TFDP1: variants seen among roughly 807,000 people sequenced by gnomAD.
TFDP1 encodes transcription factor Dp-1, also known as DRTF1-polypeptide 1.
In TFDP1, 6 loss-of-function variants were observed where a neutral mutation model predicts 48.0. The ratio of observed to expected loss-of-function variants is 0.13; its 90% CI spans 0.07 to 0.25. The LOEUF is 0.25. Among genes scored for constraint, TFDP1 ranks in the 10% least tolerant of loss-of-function variants. The pLI, the probability that TFDP1 is intolerant of heterozygous loss-of-function variation, is 1.00. For synonymous variants in TFDP1, 201 were observed against 211.6 expected, an observed-to-expected ratio of 0.95 and a Z score of 0.44; for missense variants, 335 against 543.0, an observed-to-expected ratio of 0.62 and a Z score of 3.81.
chr13:113,611,464 G>A (rs899644499), intron 3 of TFDP1, among the ~76,000 whole-genome samples: 2 of 152,236 alleles, frequency 1.3e-5, no homozygotes, highest in South Asian at 2.1e-4. Context: ...TGCCTTCTGC[G>A]AAGCAGGCAC....
At position 113,596,031 on chromosome 13, in the gene TFDP1, A is replaced by G. The variant is rs189851768; in HGVS notation, c.12+10182A>G. On this transcript the variant is annotated intron_variant, in intron 2 of 11. Transcript: ENST00000375370. Reference sequence around the variant, plus strand: ...CAGGAGGCGGAGCTTGCAGTGAGCCAAGATGGCGCCGCTGCACTCCCGCCT... The same window carrying G: ...CAGGAGGCGGAGCTTGCAGTGAGCCGAGATGGCGCCGCTGCACTCCCGCCT... Among the ~76,000 whole-genome samples the G allele has an allele frequency of 3.0e-3, 454 of 152,328 alleles. 1 individual carries two copies. The highest frequency in any genetic ancestry group is 0.01 in the African/African-American group (430 of 41,592).
chr13:113,615,617 G>A (rs767321614), intron 3 of TFDP1, among the ~76,000 whole-genome samples: 29 of 152,178 alleles, frequency 1.9e-4, no homozygotes, highest in Non-Finnish European at 4.1e-4. Flanking sequence ...TGTTCCACAC[G>A]TTTAGGCCAG....
chr13:113,621,635 C>T (rs912220410), intron 3 of TFDP1, among the ~76,000 whole-genome samples: 3 of 152,214 alleles, frequency 2.0e-5, no homozygotes, highest in Admixed American at 6.5e-5. Context: ...AAGACGAGTG[C>T]GAGCCTTCTG....
rs1479033643 is a variant in TFDP1 at position 113,584,782 on chromosome 13, G to GCCGGGACCGCCCGGC, written c.-166_-152dup. ...GGCCCAGGGCAGGGACCCCGCCACGGCCGGGACCGCCCGGCCCGGCCCCAG... is the reference window on the plus strand; with the variant it reads ...GGCCCAGGGCAGGGACCCCGCCACGGCCGGGACCGCCCGGCCCGGGACCGCCCGGCCCGGCCCCAG... On this transcript the variant is annotated 5_prime_UTR_variant, in exon 1 of 12. Coordinates refer to ENST00000375370, the MANE Select transcript of TFDP1 (RefSeq NM_007111.5). The GCCGGGACCGCCCGGC allele has an allele frequency of 1.4e-5, 2 of 146,234 alleles. No homozygotes were observed. Among genetic ancestry groups the GCCGGGACCGCCCGGC allele is most frequent in the African/African-American group, 4.9e-5 (2 of 40,754 alleles). 9.1% of individuals were successfully genotyped at this position (146,234 alleles called of 1,614,324 possible). A position where few individuals can be genotyped will look rare whatever the true frequency, so the allele number is the denominator to read the frequency against.
At position 113,623,419 on chromosome 13, in the gene TFDP1, A is replaced by G. The variant is rs947051707; in HGVS notation, c.186+133A>G. 12 of 813,474 alleles carry G rather than the reference A, an allele frequency of 1.5e-5. No individual in the cohort carries two copies. Among genetic ancestry groups the G allele is most frequent in the Middle Eastern group, 2.3e-4 (1 of 4,316 alleles). 50.4% of individuals were successfully genotyped at this position (813,474 alleles called of 1,614,324 possible). On this transcript the variant is annotated intron_variant, in intron 4 of 11. Transcript: ENST00000375370. The surrounding 1 kb of genome is among the most constrained non-coding windows in gnomAD (Gnocchi z 5.2). ...TGCAGCATGGGGCCTTTCCCTCATC[A>G]GGGAGCCCGTGGCCAGTGCTAGATT... is the stretch of plus-strand genomic sequence containing the variant.
intron 5 of TFDP1, among the ~76,000 whole-genome samples, 172 bp from the exon 6 acceptor site, chr13:113,632,947 TG>T (rs1162582497): frequency 6.6e-6 from 1 of 152,186 alleles, no homozygotes; most frequent in African/African-American, 2.4e-5. Flanking sequence ...CCACTGGGCC[TG>T]GGGGCTGGGG....
intron 3 of TFDP1, among the ~76,000 whole-genome samples, chr13:113,621,739 C>T (rs541138783): frequency 5.9e-4 from 90 of 152,300 alleles, no homozygotes; most frequent in Middle Eastern, 3.4e-3. Context: ...TGTGGTCTAG[C>T]GGTAGCCTCA....
At chr13:113,628,397 C>T (rs1481755849) in intron 4 of TFDP1, among the ~76,000 whole-genome samples, 2 of 152,258 alleles carry the variant, frequency 1.3e-5, no homozygotes, top group Non-Finnish European at 2.9e-5. Flanking sequence ...AAGGGAGACC[C>T]CTTATGACCT....
chr13:113,616,917 C>T (rs184693707), intron 3 of TFDP1, among the ~76,000 whole-genome samples: 41 of 152,232 alleles, frequency 2.7e-4, no homozygotes, highest in African/African-American at 9.4e-4. Flanking sequence ...GTTTTTAACC[C>T]GAAGGATGTT....
chr13:113,629,746 T>G (rs1407190877), intron 4 of TFDP1, among the ~76,000 whole-genome samples: 1 of 152,188 alleles, frequency 6.6e-6, no homozygotes, highest in Non-Finnish European at 1.5e-5. Context: ...ATGTTCCTTG[T>G]AAGTTCCTCG....
At chr13:113,639,010 C>G (rs1424291593) in intron 11 of TFDP1, among the ~76,000 whole-genome samples, 1 of 152,134 alleles carries the variant, frequency 6.6e-6, no homozygotes, top group African/African-American at 2.4e-5. Context: ...CGTGTAGCTT[C>G]CTGGCCAGCT....
In TFDP1 at chr13:113,623,033, T is replaced by TA. The variant is rs2049034104; in HGVS notation, c.80-147_80-146insA. 4 of 711,734 alleles carry TA rather than the reference T, an allele frequency of 5.6e-6. 1 individual carries two copies. In the East Asian group the frequency reaches 1.1e-4, roughly 20 times the overall value. The allele number at this position is 711,734 out of a possible 1,614,324, so 44.1% of individuals were successfully genotyped here. A position where few individuals can be genotyped will look rare whatever the true frequency, so the allele number is the denominator to read the frequency against. ...TGGGAATCAAGCTTCATGGAGGTGT[T>TA]GCTCTTGAGCCCTGGATTTGAGACA... On this transcript the variant is annotated intron_variant, in intron 3 of 11. Transcript: ENST00000375370. This position sits in a 1 kb window ranked among gnomAD's most constrained non-coding sequence, Gnocchi z 5.2.
At chr13:113,602,744 G>A (rs753363788) in intron 2 of TFDP1, among the ~76,000 whole-genome samples, 1 of 152,204 alleles carries the variant, frequency 6.6e-6, no homozygotes, top group Admixed American at 6.5e-5. Flanking sequence ...CCCCTGAGAA[G>A]TGTGCGGCCC....
In TFDP1 at chr13:113,607,961, T is replaced by C. The variant is rs937169769; in HGVS notation, c.13-3035T>C. On this transcript the variant is annotated intron_variant, in intron 2 of 11. Transcript: ENST00000375370. The surrounding 1 kb of genome is among the most constrained non-coding windows in gnomAD (Gnocchi z 5.2). Reference sequence around the variant, plus strand: ...GCAGTTGGTGTTCTCGCAGGGCCTGTGTTGGTGCATATGAGGAGTGTTTTC... The same window carrying C: ...GCAGTTGGTGTTCTCGCAGGGCCTGCGTTGGTGCATATGAGGAGTGTTTTC... Among the ~76,000 whole-genome samples, 28 of 152,106 alleles carry C rather than the reference T, an allele frequency of 1.8e-4. No homozygotes were observed. Among genetic ancestry groups the C allele is most frequent in the Non-Finnish European group, 2.9e-4 (20 of 68,000 alleles).
chr13:113,590,195 A>G (rs1200474820), intron 2 of TFDP1, among the ~76,000 whole-genome samples: 1 of 152,114 alleles, frequency 6.6e-6, no homozygotes, highest in East Asian at 1.9e-4. Flanking sequence ...ACTGCCCGGT[A>G]TTCACGTGCC....
intron 3 of TFDP1, among the ~76,000 whole-genome samples, chr13:113,614,481 G>A (rs1453734799): frequency 6.6e-6 from 1 of 152,188 alleles, no homozygotes. Flanking sequence ...GGAGCCCAGG[G>A]CATGGTCGGT....
At chr13:113,585,183 G>T in intron 1 of TFDP1, 1 of 148,232 alleles carries the variant, frequency 6.7e-6, no homozygotes, top group South Asian at 1.8e-4. Flanking sequence ...GCTGGGGCCA[G>T]GGTCGGCCGG....
intron 2 of TFDP1, among the ~76,000 whole-genome samples, chr13:113,586,615 A>G (rs942628272): frequency 6.6e-6 from 1 of 152,214 alleles, no homozygotes; most frequent in Non-Finnish European, 1.5e-5. Flanking sequence ...TACCGCACAG[A>G]GTTGGAAAGA....
At chr13:113,629,265 T>C (rs1394135732) in intron 4 of TFDP1, among the ~76,000 whole-genome samples, 2 of 152,180 alleles carry the variant, frequency 1.3e-5, no homozygotes, top group Admixed American at 6.5e-5. Context: ...TAAGGAGAGC[T>C]TCCTGTAAGA....
Sources: allele counts gnomAD v4.1 joint callset (sites outside exome capture counted in the v4.1 genomes callset), GRCh38; gene constraint gnomAD v4.1.1; non-coding constraint Gnocchi (gnomAD v3.1); transcripts MANE v1.5; gene names NCBI Gene and HGNC (gene_info 2026-07-23, HGNC 2026-07-21).